Variants in DISC1 observed in about 807,000 individuals in gnomAD.
DISC1 encodes DISC1 scaffold protein.
DISC1 carries 57 observed loss-of-function variants against 84.5 expected under a neutral mutation model. That is an observed-to-expected ratio of 0.67 (90% CI 0.55 to 0.84). DISC1 has a LOEUF of 0.84. DISC1 is among the 40% of genes least tolerant of loss of function. The probability of loss-of-function intolerance (pLI) is 0.00; values close to 1 mark genes in which losing one functional copy is unlikely to be tolerated. For missense variants in DISC1, 1,000 were observed against 1,057.8 expected, an observed-to-expected ratio of 0.95 and a Z score of 0.76; for synonymous variants, 411 against 415.2, an observed-to-expected ratio of 0.99 and a Z score of 0.12.
At chr1:231,869,140 T>C (rs1475821756) in intron 9 of DISC1, among the ~76,000 whole-genome samples, 2 of 152,092 alleles carry the variant, frequency 1.3e-5, no homozygotes, top group Non-Finnish European at 2.9e-5. Context: ...GTCAAACATA[T>C]CAGCTTGCTT....
chr1:231,695,650 C>G (rs1008365724), intron 2 of DISC1, among the ~76,000 whole-genome samples: 2 of 151,144 alleles, frequency 1.3e-5, no homozygotes, highest in African/African-American at 4.9e-5. Context: ...CATGTTTGTG[C>G]TGTGTGTTCA....
At chr1:231,678,282 T>A (rs1290639022) in intron 1 of DISC1, among the ~76,000 whole-genome samples, 2 of 152,160 alleles carry the variant, frequency 1.3e-5, no homozygotes, top group Non-Finnish European at 2.9e-5. Context: ...AGGACGAATG[T>A]GTTATTTACA....
chr1:231,979,903 T>C (rs1230687523), intron 10 of DISC1, among the ~76,000 whole-genome samples: 2 of 152,178 alleles, frequency 1.3e-5, no homozygotes, highest in African/African-American at 4.8e-5. Context: ...TTAATTCCCC[T>C]TAGTGTAATT....
Position 231,889,979 on chromosome 1 carries a change from G to A in DISC1, c.1982-68849G>A, listed in dbSNP as rs138740670. On this transcript the variant is annotated intron_variant, in intron 9 of 12. Transcript: ENST00000439617. ...CAAAAGACTTAAATTGGTTAATACC[G>A]AAGGGAGGTGTGGTTTATTCTGTAT... Among the ~76,000 whole-genome samples the A allele has an allele frequency of 5.3e-5, 8 of 152,262 alleles. No individual in the cohort carries two copies. In the South Asian group the frequency reaches 6.2e-4, roughly 12 times the overall value.
At chr1:231,786,858 G>C (rs548290733) in intron 6 of DISC1, among the ~76,000 whole-genome samples, 42 of 152,260 alleles carry the variant, frequency 2.8e-4, no homozygotes, top group African/African-American at 1.0e-3. Context: ...GCAGTGCTCT[G>C]AGAAGAGGCC....
At chr1:231,943,231 A>G (rs1344067289) in intron 9 of DISC1, among the ~76,000 whole-genome samples, 1 of 152,278 alleles carries the variant, frequency 6.6e-6, no homozygotes, top group African/African-American at 2.4e-5. Context: ...GACAGCTGCC[A>G]TTGAAAAGAG....
At chr1:231,693,700 C>A in intron 1 of DISC1, 126 bp from the exon 2 acceptor site, 1 of 1,446,336 alleles carries the variant, frequency 6.9e-7, no homozygotes, top group Non-Finnish European at 9.5e-7. Flanking sequence ...ACCACTGAGC[C>A]AGCATCTATC....
At chr1:231,901,427 G>A (rs2088167557) in intron 9 of DISC1, among the ~76,000 whole-genome samples, 1 of 152,174 alleles carries the variant, frequency 6.6e-6, no homozygotes. Context: ...GGCAAATGCA[G>A]GCTTTGCAAA....
At position 231,763,540 on chromosome 1, in the gene DISC1, G is replaced by T. The variant is rs533616474; in HGVS notation, c.1269-3600G>T. Among the ~76,000 whole-genome samples the T allele has an allele frequency of 3.8e-4, 58 of 152,280 alleles. 1 individual carries two copies. The South Asian group carries it at 0.012, about 30-fold the overall frequency. On this transcript the variant is annotated intron_variant, in intron 4 of 12. Transcript: ENST00000439617. The stretch of plus-strand genomic sequence containing the variant: ...TGGTAGACTTAGGAACAAAAGCAAG[G>T]TTCCTTTTTCTGTAACTGCTGTTTT...
At chr1:231,922,677 G>T (rs2090081531) in intron 9 of DISC1, among the ~76,000 whole-genome samples, 1 of 151,794 alleles carries the variant, frequency 6.6e-6, no homozygotes, top group African/African-American at 2.4e-5. Context: ...AGCCCTCCAG[G>T]CCAGCCAGGA....
At chr1:232,023,400 T>C (rs999677468) in intron 11 of DISC1, among the ~76,000 whole-genome samples, 1 of 152,228 alleles carries the variant, frequency 6.6e-6, no homozygotes, top group African/African-American at 2.4e-5. Flanking sequence ...ATTTGATATA[T>C]GTGATAGGCA....
At chr1:232,002,197 A>G (rs1257201279) in intron 10 of DISC1, among the ~76,000 whole-genome samples, 1 of 151,524 alleles carries the variant, frequency 6.6e-6, no homozygotes, top group Admixed American at 6.6e-5. Context: ...ACCTCTCAGA[A>G]TGGCAAAAAC....
chr1:231,708,330 T>G (rs1235502000), intron 3 of DISC1, among the ~76,000 whole-genome samples: 2 of 152,182 alleles, frequency 1.3e-5, no homozygotes, highest in Admixed American at 1.3e-4. Context: ...TGAGACAGAC[T>G]TTTTCCTGAC....
At chr1:231,743,463 C>T (rs1165886112) in intron 3 of DISC1, among the ~76,000 whole-genome samples, 1 of 152,206 alleles carries the variant, frequency 6.6e-6, no homozygotes, top group South Asian at 2.1e-4. Flanking sequence ...TGCATCTTTA[C>T]ATACATTATG....
intron 6 of DISC1, chr1:231,771,654 C>T (rs1573679484): frequency 2.1e-6 from 2 of 930,688 alleles, no homozygotes; most frequent in East Asian, 2.3e-4. Flanking sequence ...TGCCCAAAGT[C>T]CTAATTAATA....
rs1248928031 is a variant in DISC1, at chr1:231,694,136, C to T, written c.378C>T (p.Thr126=). 2 of 1,614,194 alleles carry T rather than the reference C, an allele frequency of 1.2e-6. No individual in the cohort carries two copies. The highest frequency in any genetic ancestry group is 1.7e-6 in the Non-Finnish European group (2 of 1,180,038). Residue 126 remains threonine (T), a synonymous_variant, in exon 2 of 13, where the codon ACC becomes ACT. Transcript: ENST00000439617. The part of the protein sequence containing the change: ...AHFGIQLRGG[T]RLPDRLSWPC... ...TTGGGATTCAGCTCAGAGGTGGCAC[C>T]AGATTGCCTGACAGGCTTAGCTGGC... is the stretch of plus-strand genomic sequence containing the variant.
At chr1:231,903,845 GAAAC>G (rs2088400793) in intron 9 of DISC1, among the ~76,000 whole-genome samples, 3 of 152,240 alleles carry the variant, frequency 2.0e-5, no homozygotes, top group Non-Finnish European at 4.4e-5. Context: ...ATTAAGATGG[GAAAC>G]CATTTCAGAG....
intron 9 of DISC1, among the ~76,000 whole-genome samples, chr1:231,835,226 G>A (rs1017173923): frequency 1.3e-4 from 20 of 152,210 alleles, no homozygotes; most frequent in African/African-American, 2.2e-4. Context: ...TCTGAGTCAC[G>A]GCACCAAATT....
At chr1:231,684,491 T>C (rs1196070296) in intron 1 of DISC1, among the ~76,000 whole-genome samples, 1 of 152,146 alleles carries the variant, frequency 6.6e-6, no homozygotes, top group Non-Finnish European at 1.5e-5. Context: ...ATGCATTTTT[T>C]CCTATGTATT....
Sources: gnomAD v4.1 joint callset for allele counts (sites outside exome capture counted in the v4.1 genomes callset) on GRCh38, gnomAD v4.1.1 for gene constraint, MANE v1.5 for transcripts, NCBI Gene and HGNC (gene_info 2026-07-23, HGNC 2026-07-21) for gene names.